The following WRAP73 variants were observed in gnomAD, a reference collection of about 807,000 sequenced individuals.
The protein encoded by WRAP73 is WD repeat containing, antisense to TP73.
A neutral mutation model predicts 59.6 loss-of-function variants in WRAP73; 55 were observed. That is an observed-to-expected ratio of 0.92 (90% CI 0.74 to 1.15). The LOEUF is 1.15. Ranked by LOEUF, WRAP73 falls within the 50% of genes most tolerant of loss-of-function variation. The pLI, the probability that WRAP73 is intolerant of heterozygous loss-of-function variation, is 0.00. For synonymous variants in WRAP73, 265 were observed against 258.2 expected, an observed-to-expected ratio of 1.03 and a Z score of -0.25; for missense variants, 592 against 608.1, an observed-to-expected ratio of 0.97 and a Z score of 0.28.
Position 3,647,412 on chromosome 1 carries a change from A to C in WRAP73, c.218T>G (p.Val73Gly), listed in dbSNP as rs1644702173. ...ILCAMYKRGLVQVWSLEQPEW... is the reference protein window; with the variant it reads ...ILCAMYKRGLGQVWSLEQPEW... ...AAGCGACACGGCAGCACACACCTGC[A>C]CCAGCCCTCGCTTGTACATGGCGCA... is the stretch of plus-strand genomic sequence containing the variant. Residue 73 changes from valine to glycine, a missense_variant, in exon 2 of 12, where the codon GTG (valine) becomes GGG (glycine). Coordinates refer to ENST00000270708, the MANE Select transcript of WRAP73 (RefSeq NM_017818.4). The C allele has an allele frequency of 6.2e-7, 1 of 1,613,124 alleles. No homozygotes were observed. Among genetic ancestry groups the C allele is most frequent in the South Asian group, 1.1e-5 (1 of 90,954 alleles).
chr1:3,640,902 T>C (rs1206103723), intron 3 of WRAP73, among the ~76,000 whole-genome samples: 2 of 152,184 alleles, frequency 1.3e-5, no homozygotes, highest in African/African-American at 4.8e-5. Context: ...TGCATCCCTG[T>C]GGGGTGCGCC....
intron 2 of WRAP73, 118 bp downstream of exon 2, chr1:3,647,290 A>C (rs1644700896): frequency 9.0e-7 from 1 of 1,113,540 alleles, no homozygotes; most frequent in East Asian, 2.9e-5. Flanking sequence ...TTTCAAAAGA[A>C]AACTGGCTTT....
chr1:3,634,855 G>T, intron 8 of WRAP73, 142 bp downstream of exon 8: 1 of 1,023,566 alleles, frequency 9.8e-7, no homozygotes, highest in Non-Finnish European at 1.5e-6. Context: ...CCAGACGCGT[G>T]AAATGTCACA....
Position 3,631,105 on chromosome 1 carries a change from AC to A in WRAP73, c.1252del (p.Val418CysfsTer8). The A allele has an allele frequency of 6.2e-7, 1 of 1,613,356 alleles. No homozygotes were observed. The highest frequency in any genetic ancestry group is 1.1e-5 in the South Asian group (1 of 91,090). ...GCTTAAATGCCAGCACAGAGAGAGC[AC>A]TGCAAAGTCGCCTAGAGAGAGACAG... is the stretch of plus-strand genomic sequence containing the variant. Reference protein sequence around the residue: ...VQVPGEGDFAVLSLCWHLSGD... With the variant: ...VQVPGEGDFAXLSLCWHLSGD... On this transcript the variant is annotated frameshift_variant, in exon 12 of 12. Coordinates refer to ENST00000270708, the MANE Select transcript of WRAP73 (RefSeq NM_017818.4). LOFTEE classifies it low-confidence loss of function (END_TRUNC).
chr1:3,631,168 T>C, intron 11 of WRAP73, 51 bp from the exon 12 acceptor site: 2 of 1,608,822 alleles, frequency 1.2e-6, no homozygotes, highest in Non-Finnish European at 1.7e-6. Flanking sequence ...GCCCAGATTC[T>C]GGGGGATGGG....
chr1:3,632,600 C>T lies in WRAP73; in HGVS notation c.923-262G>A, dbSNP rs1644547392. 4 of 507,558 alleles carry T rather than the reference C, an allele frequency of 7.9e-6. No homozygotes were observed. In the South Asian group the frequency reaches 8.0e-5, roughly 10 times the overall value. The allele number at this position is 507,558 out of a possible 1,614,324, so 31.4% of individuals were successfully genotyped here. On this transcript the variant is annotated intron_variant, in intron 9 of 11. Transcript: ENST00000270708. ...GGGGGTGGACCCCACGTGCCAGGGG[C>T]TGACTGGAGAGGGACATGGACAGGT...
intron 10 of WRAP73, 163 bp downstream of exon 10, chr1:3,632,050 G>A: frequency 6.7e-7 from 1 of 1,493,438 alleles, no homozygotes. Flanking sequence ...CAAAGGCCCA[G>A]CGCCTCCAAG....
intron 5 of WRAP73, chr1:3,636,240 C>A (rs544908369): frequency 7.2e-4 from 414 of 573,538 alleles, no homozygotes; most frequent in Non-Finnish European, 9.3e-4. Flanking sequence ...GCCTGGCCAG[C>A]CCCCAAGGGC....
intron 9 of WRAP73, chr1:3,632,543 T>C (rs1279793820): frequency 1.8e-5 from 13 of 727,290 alleles, no homozygotes; most frequent in Non-Finnish European, 2.7e-5. Context: ...CGGATGAGAG[T>C]GGCACCATCA....
chr1:3,647,135 C>T (rs757080195), intron 2 of WRAP73: 5 of 451,832 alleles, frequency 1.1e-5, no homozygotes, highest in African/African-American at 2.0e-5. Context: ...GAAAACACGA[C>T]TTCTTAGGAC....
chr1:3,632,311 A>T lies in WRAP73; in HGVS notation c.950T>A (p.Leu317Ter). ...GTCGGTAACAGGTTTCAGTGTCTGTAAGGAGACTGGGACAGAGGCGATCTC... is the reference window on the plus strand; with the variant it reads ...GTCGGTAACAGGTTTCAGTGTCTGTTAGGAGACTGGGACAGAGGCGATCTC... Reference protein sequence around the residue: ...KYEIASVPVSLQTLKPVTDRA... With the variant: ...KYEIASVPVS Residue 317 changes from leucine to a stop codon, truncating the protein, a stop_gained, in exon 10 of 12, where the codon TTA becomes TAA. Transcript: ENST00000270708. LOFTEE classifies it high-confidence loss of function. 6.2e-7 allele frequency: 1 copy of T among 1,614,154 alleles called. No individual in the cohort carries two copies. Among genetic ancestry groups the T allele is most frequent in the Non-Finnish European group, 8.5e-7 (1 of 1,180,018 alleles).
rs1387235513 is a variant in WRAP73, at chr1:3,631,626, G to C, written c.1080C>G (p.Asp360Glu). Reference protein sequence around the residue: ...DNIPNAVWVWDIQKLRLFAVL... With the variant: ...DNIPNAVWVWEIQKLRLFAVL... Reference sequence around the variant, plus strand: ...CCGCGAACAGCCTCAGCTTCTGAATGTCCCAGACCCAGACGGCATTGGGAA... The same window carrying C: ...CCGCGAACAGCCTCAGCTTCTGAATCTCCCAGACCCAGACGGCATTGGGAA... Residue 360 changes from aspartate (D) to glutamate (E), a missense_variant, in exon 11 of 12, where the codon GAC (aspartate) becomes GAG (glutamate). Transcript: ENST00000270708. 1.2e-6 allele frequency: 2 copies of C among 1,601,122 alleles called. No individual in the cohort carries two copies. Among genetic ancestry groups the C allele is most frequent in the Non-Finnish European group, 1.7e-6 (2 of 1,178,594 alleles).
chr1:3,649,527 G>A (rs944310546), intron 1 of WRAP73, among the ~76,000 whole-genome samples: 1 of 152,136 alleles, frequency 6.6e-6, no homozygotes, highest in African/African-American at 2.4e-5. Context: ...CCTTTCCAAG[G>A]GCACCTCCCC....
intron 2 of WRAP73, chr1:3,647,152 A>T (rs1260469336): frequency 2.1e-6 from 1 of 476,572 alleles, no homozygotes; most frequent in African/African-American, 2.0e-5. Flanking sequence ...GGACTTCCTG[A>T]AACACACCAC....
intron 6 of WRAP73, chr1:3,635,548 CTG>C (rs1644581865): frequency 1.8e-6 from 1 of 556,260 alleles, no homozygotes; most frequent in Non-Finnish European, 3.2e-6. Flanking sequence ...CGGCCGGGCA[CTG>C]TGGCTCACGC....
At chr1:3,649,715 C>T (rs7537171) in intron 1 of WRAP73, among the ~76,000 whole-genome samples, 3,196 of 151,666 alleles carry the variant, frequency 0.021, 112 homozygotes, top group African/African-American at 0.072. Context: ...GGCCCTCCAC[C>T]TGTCTAGGGT....
Position 3,646,592 on chromosome 1 carries a change from C to A in WRAP73, c.339+74G>T. On this transcript the variant is annotated intron_variant, in intron 3 of 11. Coordinates refer to ENST00000270708, the MANE Select transcript of WRAP73 (RefSeq NM_017818.4). This position sits in a 1 kb window ranked among gnomAD's most constrained non-coding sequence, Gnocchi z 5.1. ...AGCATACTCCAAACACACCCCCTCT[C>A]GCACTCCCCAGCTGTTTCGAGAGCA... 7.8e-7 allele frequency: 1 copy of A among 1,284,046 alleles called. No individual in the cohort carries two copies. Among genetic ancestry groups the A allele is most frequent in the African/African-American group, 1.5e-5 (1 of 66,970 alleles). The allele number at this position is 1,284,046 out of a possible 1,614,324, so 79.5% of individuals were successfully genotyped here. A position where few individuals can be genotyped will look rare whatever the true frequency, so the allele number is the denominator to read the frequency against.
rs1189120133 is a variant in WRAP73 at position 3,650,065 on chromosome 1, GGCTGCAA to G, written c.-73_-67del. ...CCGCGGGACCCCTGGGCGCGCAGCAGGCTGCAACAGCCGACGCCGGCCTCCGAGGCCG... is the reference window on the plus strand; with the variant it reads ...CCGCGGGACCCCTGGGCGCGCAGCAGCAGCCGACGCCGGCCTCCGAGGCCG... On this transcript the variant is annotated 5_prime_UTR_variant, in exon 1 of 12. Transcript: ENST00000270708. 2.5e-5 allele frequency: 11 copies of G among 440,336 alleles called. No individual in the cohort carries two copies. Among genetic ancestry groups the G allele is most frequent in the Non-Finnish European group, 3.3e-5 (10 of 298,946 alleles). 27.3% of individuals were successfully genotyped at this position (440,336 alleles called of 1,614,324 possible).
chr1:3,646,611 G>A lies in WRAP73; in HGVS notation c.339+55C>T, dbSNP rs369842666. 24 of 1,465,702 alleles carry A rather than the reference G, an allele frequency of 1.6e-5. No individual in the cohort carries two copies. The highest frequency in any genetic ancestry group is 1.0e-4 in the Admixed American group (5 of 49,354). The allele number at this position is 1,465,702 out of a possible 1,614,324, so 90.8% of individuals were successfully genotyped here. A position where few individuals can be genotyped will look rare whatever the true frequency, so the allele number is the denominator to read the frequency against. The stretch of plus-strand genomic sequence containing the variant: ...CCCTCTCGCACTCCCCAGCTGTTTC[G>A]AGAGCAGAGGACAGGATCACATGGC... On this transcript the variant is annotated intron_variant, in intron 3 of 11. Coordinates refer to ENST00000270708, the MANE Select transcript of WRAP73 (RefSeq NM_017818.4). The surrounding 1 kb of genome is among the most constrained non-coding windows in gnomAD (Gnocchi z 5.1).
Sources: allele counts gnomAD v4.1 joint callset (sites outside exome capture counted in the v4.1 genomes callset), GRCh38; gene constraint gnomAD v4.1.1; non-coding constraint Gnocchi (gnomAD v3.1); transcripts MANE v1.5; gene names NCBI Gene and HGNC (gene_info 2026-07-23, HGNC 2026-07-21).